Variants in CAST observed in about 807,000 individuals in gnomAD.
CAST encodes the protein MIR583 host.
In CAST, 76 loss-of-function variants were observed where a neutral mutation model predicts 119.6. That is an observed-to-expected ratio of 0.64 (90% confidence interval 0.53 to 0.77). The LOEUF is 0.77. Ranked by LOEUF, CAST falls within the 30% of genes least tolerant of loss-of-function variation. The pLI, the probability that CAST is intolerant of heterozygous loss-of-function variation, is 0.00. For missense variants in CAST, 953 were observed against 946.5 expected (o/e 1.01, Z -0.09); for synonymous variants, 319 against 331.6 (o/e 0.96, Z 0.41).
chr5:96,003,155 G>A, the CAST span, among the ~76,000 whole-genome samples: 1 of 152,188 alleles, frequency 6.6e-6, no homozygotes, highest in Admixed American at 6.5e-5. Context: ...CCTGGGGATT[G>A]CTAAAGCCTA....
chr5:96,759,661 A>G (rs1767264087), intron 24 of CAST, among the ~76,000 whole-genome samples: 1 of 152,044 alleles, frequency 6.6e-6, no homozygotes, highest in Admixed American at 6.6e-5. Context: ...CTTTTGAAAT[A>G]ACAAATACTT....
chr5:96,534,688 G>GAGGAAGGAAGGAAGGAAGGA (rs1554066212), intron 1 of CAST, among the ~76,000 whole-genome samples: 3 of 36,910 alleles, frequency 8.1e-5, no homozygotes, highest in African/African-American at 2.5e-4. Context: ...GAGAGAGAGA[G>GAGGAAGGAAGGAAGGAAGGA]AGGAAGGAAG....
chr5:96,457,981 A>G, the CAST span, among the ~76,000 whole-genome samples: 2 of 152,206 alleles, frequency 1.3e-5, no homozygotes, highest in African/African-American at 4.8e-5. Context: ...ATATTTACAT[A>G]AAAGGAAATT....
chr5:95,961,628 C>T, the CAST span: 1 of 1,608,972 alleles, frequency 6.2e-7, no homozygotes, highest in Non-Finnish European at 8.5e-7. Context: ...GTGAGCTTCA[C>T]ATGCAGTACG....
chr5:96,534,258 G>A (rs187129845), intron 1 of CAST, among the ~76,000 whole-genome samples: 8 of 152,134 alleles, frequency 5.3e-5, no homozygotes, highest in Non-Finnish European at 1.2e-4. Flanking sequence ...TCATACACGA[G>A]CAAAAATCTA....
chr5:96,400,133 T>G, the CAST span: 6 of 1,614,190 alleles, frequency 3.7e-6, no homozygotes, highest in Non-Finnish European at 5.1e-6. Context: ...CAGCGGGTCA[T>G]ACTCAGAGGT....
At chr5:95,991,372 G>C in the CAST span, among the ~76,000 whole-genome samples, 1 of 151,860 alleles carries the variant, frequency 6.6e-6, no homozygotes, top group Non-Finnish European at 1.5e-5. Context: ...TACTCTAAAG[G>C]TATTTTAAGG....
chr5:96,563,656 A>AT (rs1746421748), intron 1 of CAST, among the ~76,000 whole-genome samples: 1 of 111,708 alleles, frequency 9.0e-6, no homozygotes, highest in Non-Finnish European at 2.0e-5. Context: ...ACTTATAAAA[A>AT]AAAAGCATTC....
chr5:96,750,702 T>C lies in CAST; in HGVS notation c.1524+20T>C. 2.6e-6 allele frequency: 4 copies of C among 1,517,324 alleles called. No homozygotes were observed. The highest frequency in any genetic ancestry group is 3.7e-6 in the Non-Finnish European group (4 of 1,092,078). The allele number at this position is 1,517,324 out of a possible 1,614,324, so 94.0% of individuals were successfully genotyped here. On this transcript the variant is annotated intron_variant, in intron 20 of 31. Coordinates refer to ENST00000675179, the MANE Select transcript of CAST (RefSeq NM_001750.7). The stretch of plus-strand genomic sequence containing the variant: ...ACCTTGGTGAGTGACTCCCTGGGCA[T>C]TTGAGCAGTGGCTTGAGAAAGTTTT...
the CAST span, among the ~76,000 whole-genome samples, chr5:96,286,847 C>G: frequency 6.6e-6 from 1 of 151,944 alleles, no homozygotes; most frequent in Non-Finnish European, 1.5e-5. Flanking sequence ...AAGGTTAATT[C>G]CCTTGCAGTT....
chr5:96,703,578 G>A (rs1422503318), intron 3 of CAST, among the ~76,000 whole-genome samples: 2 of 152,186 alleles, frequency 1.3e-5, no homozygotes, highest in African/African-American at 2.4e-5. Flanking sequence ...TTAGGGACCC[G>A]GCATTCTCCA....
the CAST span, chr5:96,394,906 C>G: frequency 6.2e-7 from 1 of 1,614,148 alleles, no homozygotes; most frequent in Non-Finnish European, 8.5e-7. Context: ...TTCTGTCATT[C>G]TGAACAGTGT....
intron 2 of CAST, among the ~76,000 whole-genome samples, chr5:96,691,059 T>G (rs1341956978): frequency 6.6e-6 from 1 of 152,184 alleles, no homozygotes; most frequent in African/African-American, 2.4e-5. Context: ...TTATATATAG[T>G]TTTTCATATA....
At chr5:96,259,353 T>C in the CAST span, among the ~76,000 whole-genome samples, 3 of 152,278 alleles carry the variant, frequency 2.0e-5, no homozygotes, top group African/African-American at 4.8e-5. Flanking sequence ...GCAGGGAAGA[T>C]TTAATTCCAG....
the CAST span, among the ~76,000 whole-genome samples, chr5:95,987,728 A>G: frequency 6.6e-6 from 1 of 152,226 alleles, no homozygotes; most frequent in African/African-American, 2.4e-5. Flanking sequence ...AAAGGTAGCC[A>G]TGTGGCACAC....
At chr5:95,963,725 C>CTTTTTTTTTTTTTTT in the CAST span, among the ~76,000 whole-genome samples, 57 of 129,970 alleles carry the variant, frequency 4.4e-4, no homozygotes, top group African/African-American at 1.5e-3. Context: ...TTCTCTCTCT[C>CTTTTTTTTTTTTTTT]TTTTTTTTTT....
the CAST span, among the ~76,000 whole-genome samples, chr5:96,330,456 CA>C: frequency 4.6e-5 from 7 of 152,124 alleles, no homozygotes; most frequent in Non-Finnish European, 5.9e-5. Flanking sequence ...ATTTTATGGA[CA>C]AATGTATCAG....
intron 1 of CAST, among the ~76,000 whole-genome samples, chr5:96,581,324 A>C (rs1249080793): frequency 6.6e-6 from 1 of 152,244 alleles, no homozygotes; most frequent in Non-Finnish European, 1.5e-5. Context: ...TGATCATGGC[A>C]CACAAATTAA....
the CAST span, among the ~76,000 whole-genome samples, chr5:96,322,941 C>G: frequency 1.3e-5 from 2 of 152,176 alleles, no homozygotes; most frequent in Admixed American, 1.3e-4. Flanking sequence ...GAAAGGGACT[C>G]TTCCCTTACT....
Sources: allele counts gnomAD v4.1 joint callset (sites outside exome capture counted in the v4.1 genomes callset), GRCh38; gene constraint gnomAD v4.1.1; transcripts MANE v1.5; gene names NCBI Gene and HGNC (gene_info 2026-07-23, HGNC 2026-07-21).